Variants in ZNF334 observed in about 807,000 individuals in gnomAD.
ZNF334 encodes zinc finger protein 334.
A neutral mutation model predicts 12.4 loss-of-function variants in ZNF334; 14 were observed. The observed-to-expected ratio is 1.13, with a 90% CI of 0.74 to 1.76. The LOEUF (loss-of-function observed/expected upper bound fraction) is 1.76. Ranked by LOEUF, ZNF334 falls within the 40% of genes most tolerant of loss-of-function variation. ZNF334 has a pLI of 0.00. For synonymous variants in ZNF334, 273 were observed against 269.6 expected (o/e 1.01, Z -0.12); for missense variants, 797 against 804.5 (o/e 0.99, Z 0.11).
At chr20:46,481,599 G>A in the ZNF334 span, among the ~76,000 whole-genome samples, 10 of 152,188 alleles carry the variant, frequency 6.6e-5, no homozygotes. Context: ...GCAGCGCAGG[G>A]AGCAATGGCT....
chr20:46,468,059 T>C, the ZNF334 span, among the ~76,000 whole-genome samples: 12 of 152,248 alleles, frequency 7.9e-5, no homozygotes, highest in Non-Finnish European at 1.6e-4. Context: ...TGTATGATAT[T>C]GAAATTTGTA....
downstream of ZNF334, among the ~76,000 whole-genome samples, chr20:46,498,516 A>G (rs1429277570): frequency 6.6e-6 from 1 of 152,172 alleles, no homozygotes; most frequent in Non-Finnish European, 1.5e-5. Context: ...ATCCCTGGTC[A>G]ACATCTTGAC....
At chr20:46,495,286 G>A (rs995088771), downstream of ZNF334, among the ~76,000 whole-genome samples, 1 of 151,368 alleles carries the variant, frequency 6.6e-6, no homozygotes, top group African/African-American at 2.4e-5. Context: ...TTTAACTGCC[G>A]GTGCTCATTA....
chr20:46,485,523 A>G, the ZNF334 span: 1 of 152,044 alleles, frequency 6.6e-6, no homozygotes, highest in Non-Finnish European at 1.5e-5. Context: ...AGGAAAACAA[A>G]TTTACCATCT....
the ZNF334 span, among the ~76,000 whole-genome samples, chr20:46,474,887 C>G: frequency 3.9e-5 from 6 of 152,078 alleles, no homozygotes; most frequent in Admixed American, 3.9e-4. Flanking sequence ...ATGATAACCC[C>G]CATCAATAAA....
chr20:46,485,341 G>A, the ZNF334 span, among the ~76,000 whole-genome samples: 2 of 152,130 alleles, frequency 1.3e-5, no homozygotes, highest in African/African-American at 4.8e-5. Flanking sequence ...CTACCCAAAT[G>A]GATAAAAGGA....
the ZNF334 span, among the ~76,000 whole-genome samples, chr20:46,479,869 C>T: frequency 2.0e-5 from 3 of 152,184 alleles, no homozygotes; most frequent in African/African-American, 7.2e-5. Flanking sequence ...TTACCTTAAC[C>T]AAAGCATTTC....
chr20:46,501,082 T>G lies in ZNF334; in HGVS notation c.*214A>C. The G allele has an allele frequency of 1.9e-6, 1 of 536,420 alleles. No individual in the cohort carries two copies. The highest frequency in any genetic ancestry group is 3.2e-5 in the East Asian group (1 of 31,342). The allele number at this position is 536,420 out of a possible 1,614,324, so 33.2% of individuals were successfully genotyped here. ...TAACCTTTGAATTGCTGTTGAATATTTTCATAGTTCACAATGAATAATACA... is the reference window on the plus strand; with the variant it reads ...TAACCTTTGAATTGCTGTTGAATATGTTCATAGTTCACAATGAATAATACA... On this transcript the variant is annotated 3_prime_UTR_variant, in exon 5 of 5. Transcript: ENST00000692313.
At position 46,502,243 on chromosome 20, in the gene ZNF334, CAA is replaced by C; in HGVS notation, c.1094_1095del (p.Val365GlyfsTer13). The stretch of plus-strand genomic sequence containing the variant: ...TCTCCTCTGTGAGTTCTTTGATGTA[CAA>C]CAAGATACGATTTCTTGCTGAAGGC... ...GNAFSKKSYL[V>X]VHQRTHRGEK... On this transcript the variant is annotated frameshift_variant, in exon 5 of 5. Coordinates refer to ENST00000692313, the MANE Select transcript of ZNF334 (RefSeq NM_001353824.2). LOFTEE classifies it low-confidence loss of function (END_TRUNC). The C allele has an allele frequency of 5.0e-6, 8 of 1,614,006 alleles. No homozygotes were observed. The highest frequency in any genetic ancestry group is 6.8e-6 in the Non-Finnish European group (8 of 1,179,990).
At position 46,501,555 on chromosome 20, in the gene ZNF334, G is replaced by C. The variant is rs1219573942; in HGVS notation, c.1784C>G (p.Thr595Ser). The C allele has an allele frequency of 1.2e-6, 2 of 1,613,700 alleles. No individual in the cohort carries two copies. The highest frequency in any genetic ancestry group is 2.7e-5 in the African/African-American group (2 of 74,822). The change falls in exon 5 of 5, where the codon ACT (threonine) becomes AGT (serine). Residue 595 changes from threonine (T) to serine (S), a missense_variant. Transcript: ENST00000692313. ...ATTACATTCATATGGTTTCTCCCCA[G>C]TGTGAGTTCGCTGATGTTCAACAAA... ...FSFVEHQRTH[T>S]GEKPYECNEC...
At position 46,512,991 on chromosome 20, in the gene ZNF334, C is replaced by A. The variant is rs1007968182; in HGVS notation, c.-490G>T. The A allele has an allele frequency of 1.3e-5, 2 of 152,096 alleles. No individual in the cohort carries two copies. Among genetic ancestry groups the A allele is most frequent in the Non-Finnish European group, 2.9e-5 (2 of 68,026 alleles). 9.4% of individuals were successfully genotyped at this position (152,096 alleles called of 1,614,324 possible). A position where few individuals can be genotyped will look rare whatever the true frequency, so the allele number is the denominator to read the frequency against. ...TGTGTTTAGGAAGTGATGAAGACAT[C>A]ATTTCCTTATTTATAACCAGTACTC... On this transcript the variant is annotated 5_prime_UTR_variant, in exon 1 of 5. It removes an upstream start codon present in the reference 5' UTR. Transcript: ENST00000692313.
chr20:46,503,079 T>C lies in ZNF334; in HGVS notation c.260A>G (p.Glu87Gly). The C allele has an allele frequency of 6.2e-7, 1 of 1,600,986 alleles. No homozygotes were observed. Among genetic ancestry groups the C allele is most frequent in the Non-Finnish European group, 8.5e-7 (1 of 1,173,552 alleles). ...TTTATCTTGGATTTCCTTGTTCTTC[T>C]CTAAGGCATCATCAATGTCTAGAAA... ...QNYPDIDDALEKNKEIQDKHL... is the reference protein window; with the variant it reads ...QNYPDIDDALGKNKEIQDKHL... The change falls in exon 5 of 5, where the codon GAG becomes GGG. Residue 87 changes from glutamate to glycine, a missense_variant. Coordinates refer to ENST00000692313, the MANE Select transcript of ZNF334 (RefSeq NM_001353824.2).
rs2061715727 is a variant in ZNF334 at position 46,513,244 on chromosome 20, C to G, written c.-743G>C. 1 of 152,272 alleles carries G rather than the reference C, an allele frequency of 6.6e-6. No homozygotes were observed. The highest frequency in any genetic ancestry group is 2.4e-5 in the African/African-American group (1 of 41,462). 9.4% of individuals were successfully genotyped at this position (152,272 alleles called of 1,614,324 possible). ...TTTCACCTTCACCAAGCGCCTTCTT[C>G]GGGCAAATCAGGGCCCTAGAGAGAG... On this transcript the variant is annotated 5_prime_UTR_variant, in exon 1 of 5. Transcript: ENST00000692313.
chr20:46,464,040 G>A, the ZNF334 span: 2 of 633,906 alleles, frequency 3.2e-6, no homozygotes, highest in African/African-American at 3.6e-5. Context: ...CTTCATTGTT[G>A]TCAAAGGGGT....
the ZNF334 span, among the ~76,000 whole-genome samples, chr20:46,462,319 A>G: frequency 1.3e-5 from 2 of 152,264 alleles, no homozygotes. Flanking sequence ...AAAATTTCCA[A>G]TAGAAATTCT....
chr20:46,503,131 G>A (rs1425758047), intron 4 of ZNF334, 34 bp from the exon 5 acceptor site: 6 of 1,551,488 alleles, frequency 3.9e-6, no homozygotes, highest in Admixed American at 3.9e-5. Context: ...GGTAATTGGT[G>A]AGCCTTTATA....
the ZNF334 span, chr20:46,485,499 G>T: frequency 4.6e-5 from 7 of 151,252 alleles, no homozygotes; most frequent in Non-Finnish European, 7.4e-5. Context: ...TATTAGTTTA[G>T]AGAATGACAA....
chr20:46,480,021 T>C, the ZNF334 span, among the ~76,000 whole-genome samples: 2 of 152,342 alleles, frequency 1.3e-5, no homozygotes, highest in Non-Finnish European at 1.5e-5. Context: ...CTTACATGTA[T>C]TGATCTATGT....
intron 2 of ZNF334, chr20:46,509,848 C>T (rs2061579324): frequency 1.7e-6 from 1 of 596,992 alleles, no homozygotes; most frequent in African/African-American, 1.9e-5. Flanking sequence ...AATATAGCTC[C>T]TAAGAAAGTA....
Sources: gnomAD v4.1 joint callset for allele counts (sites outside exome capture counted in the v4.1 genomes callset) on GRCh38, gnomAD v4.1.1 for gene constraint, MANE v1.5 for transcripts, NCBI Gene and HGNC (gene_info 2026-07-23, HGNC 2026-07-21) for gene names.